CNIH3: variants seen among roughly 807,000 people sequenced by gnomAD.
The protein encoded by CNIH3 is protein cornichon homolog 3.
CNIH3 carries 14 observed loss-of-function variants against 24.1 expected under a neutral mutation model. That is an observed-to-expected ratio of 0.58 (90% CI 0.38 to 0.91). The LOEUF (loss-of-function observed/expected upper bound fraction) is 0.91, where lower values mean the gene tolerates loss of function less well. Among genes scored for constraint, CNIH3 ranks in the 40% least tolerant of loss-of-function variants. The probability of loss-of-function intolerance (pLI) is 0.00; values close to 1 mark genes in which losing one functional copy is unlikely to be tolerated. For synonymous variants in CNIH3, 68 were observed against 73.8 expected, an observed-to-expected ratio of 0.92 and a Z score of 0.40; for missense variants, 178 against 196.8, an observed-to-expected ratio of 0.90 and a Z score of 0.57.
intron 3 of CNIH3, among the ~76,000 whole-genome samples, chr1:224,717,044 G>T (rs533476511): frequency 6.6e-6 from 1 of 152,276 alleles, no homozygotes; most frequent in East Asian, 1.9e-4. Context: ...GCCTTTTCCT[G>T]CAGCTCTTCC....
intron 1 of CNIH3, among the ~76,000 whole-genome samples, chr1:224,621,581 C>T (rs902088444): frequency 6.6e-6 from 1 of 152,190 alleles, no homozygotes. Context: ...GCAGCTCCAG[C>T]CTGCTCCATC....
chr1:224,478,819 C>A (rs920740488), intron 1 of CNIH3, among the ~76,000 whole-genome samples: 1 of 152,136 alleles, frequency 6.6e-6, no homozygotes, highest in Non-Finnish European at 1.5e-5. Flanking sequence ...GGGGAGGGTT[C>A]ACAATCATGG....
intron 3 of CNIH3, among the ~76,000 whole-genome samples, chr1:224,691,552 A>C (rs1013743400): frequency 2.7e-4 from 41 of 152,228 alleles, no homozygotes; most frequent in African/African-American, 9.6e-4. Context: ...ACCTGAGCCC[A>C]CCTGTATCTC....
chr1:224,465,726 C>T (rs1029081921), intron 1 of CNIH3, among the ~76,000 whole-genome samples: 2 of 152,198 alleles, frequency 1.3e-5, no homozygotes, highest in South Asian at 2.1e-4. Context: ...AACTACATAC[C>T]GTATCAAAAC....
intron 2 of CNIH3, among the ~76,000 whole-genome samples, chr1:224,524,755 T>C (rs1678778334): frequency 6.6e-6 from 1 of 152,200 alleles, no homozygotes; most frequent in Non-Finnish European, 1.5e-5. Context: ...TTCTTCCTCT[T>C]ATGATAATAG....
intron 4 of CNIH3, among the ~76,000 whole-genome samples, chr1:224,567,695 A>T (rs557649665): frequency 3.9e-5 from 6 of 152,280 alleles, no homozygotes; most frequent in Admixed American, 1.3e-4. Flanking sequence ...CTTCCAGCTT[A>T]GGGGTGTGGC....
intron 4 of CNIH3, among the ~76,000 whole-genome samples, chr1:224,576,875 G>A (rs1681058460): frequency 6.6e-6 from 1 of 152,158 alleles, no homozygotes. Flanking sequence ...AAGTGGGTGT[G>A]TAGACCTATG....
chr1:224,434,690 C>A, exon 1 of CNIH3: 1 of 705,780 alleles, frequency 1.4e-6, no homozygotes, highest in Non-Finnish European at 1.7e-6. Context: ...GCAGTGGCTG[C>A]GGCGGCGGCG....
chr1:224,623,760 C>CCCT (rs1284066002), intron 1 of CNIH3, among the ~76,000 whole-genome samples: 1 of 152,154 alleles, frequency 6.6e-6, no homozygotes, highest in Non-Finnish European at 1.5e-5. Flanking sequence ...CCACTTCCTC[C>CCCT]CCTCCTAGTT....
intron 4 of CNIH3, among the ~76,000 whole-genome samples, chr1:224,576,265 T>C (rs766129658): frequency 5.3e-5 from 8 of 152,248 alleles, no homozygotes; most frequent in Non-Finnish European, 8.8e-5. Context: ...ACAGTCAATA[T>C]ACATGGGAGT....
intron 1 of CNIH3, among the ~76,000 whole-genome samples, chr1:224,440,240 T>G (rs1304370236): frequency 6.6e-6 from 1 of 152,074 alleles, no homozygotes; most frequent in Non-Finnish European, 1.5e-5. Context: ...TTATTATTAT[T>G]TTATTTTGAG....
chr1:224,692,171 G>A (rs972389947), intron 3 of CNIH3, among the ~76,000 whole-genome samples: 5 of 152,092 alleles, frequency 3.3e-5, no homozygotes, highest in African/African-American at 7.2e-5. Flanking sequence ...GCACGGTGGT[G>A]CACATCTGTA....
intron 1 of CNIH3, among the ~76,000 whole-genome samples, chr1:224,656,115 T>C (rs1279619156): frequency 6.6e-6 from 1 of 152,022 alleles, no homozygotes; most frequent in African/African-American, 2.4e-5. Flanking sequence ...TATTGATCAA[T>C]TCCTCAATCA....
intron 1 of CNIH3, among the ~76,000 whole-genome samples, chr1:224,473,882 G>A (rs1382363294): frequency 6.6e-6 from 1 of 152,282 alleles, no homozygotes; most frequent in Middle Eastern, 3.4e-3. Context: ...CACAAGGAAA[G>A]ACCCTATGTT....
chr1:224,575,295 A>G (rs1680989054), intron 4 of CNIH3: 4 of 1,057,688 alleles, frequency 3.8e-6, no homozygotes, highest in Non-Finnish European at 5.9e-6. Context: ...CAGCCAGGAT[A>G]TGACCACCTT....
intron 1 of CNIH3, among the ~76,000 whole-genome samples, chr1:224,510,140 C>G (rs1009464186): frequency 2.0e-5 from 3 of 152,194 alleles, no homozygotes; most frequent in Non-Finnish European, 2.9e-5. Context: ...ACTCCTCCCT[C>G]TTGACTCACT....
chr1:224,453,201 GTC>G (rs1675499658), intron 1 of CNIH3, among the ~76,000 whole-genome samples: 1 of 151,848 alleles, frequency 6.6e-6, no homozygotes. Flanking sequence ...GAGACAGTCT[GTC>G]TCTGTCATCC....
At chr1:224,451,993 T>G (rs142024957) in intron 1 of CNIH3, among the ~76,000 whole-genome samples, 1 of 152,288 alleles carries the variant, frequency 6.6e-6, no homozygotes, top group African/African-American at 2.4e-5. Context: ...CTTTTCAAAT[T>G]ACCAGAGTCG....
At chr1:224,630,009 C>T (rs1558231189) in intron 1 of CNIH3, among the ~76,000 whole-genome samples, 1 of 152,156 alleles carries the variant, frequency 6.6e-6, no homozygotes, top group Non-Finnish European at 1.5e-5. Context: ...TTATTGAAGA[C>T]AACTCTTGGG....
Sources: gnomAD v4.1 joint callset for allele counts (sites outside exome capture counted in the v4.1 genomes callset) on GRCh38, gnomAD v4.1.1 for gene constraint, MANE v1.5 for transcripts, NCBI Gene and HGNC (gene_info 2026-07-23, HGNC 2026-07-21) for gene names.